Variants in ARHGAP21 observed in about 807,000 individuals in gnomAD.
ARHGAP21 encodes the protein Rho GTPase activating protein 21.
A neutral mutation model predicts 164.6 loss-of-function variants in ARHGAP21; 38 were observed. That is an observed-to-expected ratio of 0.23 (90% CI 0.18 to 0.30). ARHGAP21 has a LOEUF of 0.30. Ranked by LOEUF, ARHGAP21 falls within the 10% of genes least tolerant of loss-of-function variation. ARHGAP21 has a pLI of 1.00. For synonymous variants in ARHGAP21, 766 were observed against 857.9 expected, an observed-to-expected ratio of 0.89 and a Z score of 1.87; for missense variants, 1,822 against 2,370.7, an observed-to-expected ratio of 0.77 and a Z score of 4.81.
rs12571219 is a variant in ARHGAP21, at chr10:24,637,172, C to T, written c.269-2069G>A. On this transcript the variant is annotated intron_variant, in intron 4 of 25. Coordinates refer to ENST00000396432, the MANE Select transcript of ARHGAP21 (RefSeq NM_020824.4). Reference sequence around the variant, plus strand: ...ATTCAAGTGTGGCAATTCCATGCTGCCTCAAAAGTAACTGAATGTGATTTA... The same window carrying T: ...ATTCAAGTGTGGCAATTCCATGCTGTCTCAAAAGTAACTGAATGTGATTTA... Among the ~76,000 whole-genome samples, 231 of 152,268 alleles carry T rather than the reference C, an allele frequency of 1.5e-3. 5 individuals are homozygous for T. The East Asian group carries it at 0.038, about 25-fold the overall frequency.
chr10:24,708,958 G>T (rs775601177), intron 2 of ARHGAP21, among the ~76,000 whole-genome samples: 5 of 152,062 alleles, frequency 3.3e-5, no homozygotes, highest in Non-Finnish European at 5.9e-5. Flanking sequence ...AGATTCCTAG[G>T]TCAAATGGTA....
chr10:24,594,229 T>A (rs559851293), intron 21 of ARHGAP21, among the ~76,000 whole-genome samples: 1 of 152,168 alleles, frequency 6.6e-6, no homozygotes, highest in South Asian at 2.1e-4. Flanking sequence ...TATAATGGAT[T>A]TAGGCAATAA....
At chr10:24,663,258 C>T (rs1168334113) in intron 4 of ARHGAP21, among the ~76,000 whole-genome samples, 1 of 152,166 alleles carries the variant, frequency 6.6e-6, no homozygotes, top group Non-Finnish European at 1.5e-5. Flanking sequence ...CAACAACGCA[C>T]AATGCCAGTA....
At chr10:24,697,245 G>A (rs928167041) in intron 2 of ARHGAP21, among the ~76,000 whole-genome samples, 1 of 152,168 alleles carries the variant, frequency 6.6e-6, no homozygotes, top group Non-Finnish European at 1.5e-5. Context: ...ATTCGCTGCT[G>A]AGAAATGGGT....
At chr10:24,680,334 T>C (rs1841649850) in intron 2 of ARHGAP21, among the ~76,000 whole-genome samples, 1 of 152,212 alleles carries the variant, frequency 6.6e-6, no homozygotes, top group Non-Finnish European at 1.5e-5. Context: ...TTAAAAACTA[T>C]ACAGTATTAA....
chr10:24,629,655 C>G, intron 7 of ARHGAP21: 1 of 192,862 alleles, frequency 5.2e-6, no homozygotes, highest in African/African-American at 2.5e-5. Flanking sequence ...AAAAAAGATT[C>G]TAATTCCTGG....
At position 24,619,955 on chromosome 10, in the gene ARHGAP21, T is replaced by C. The variant is rs1834378324; in HGVS notation, c.1940A>G (p.Lys647Arg). The C allele has an allele frequency of 6.2e-6, 10 of 1,614,104 alleles. No individual in the cohort carries two copies. The highest frequency in any genetic ancestry group is 8.5e-6 in the Non-Finnish European group (10 of 1,179,970). The stretch of plus-strand genomic sequence containing the variant: ...CAAGTGATTTACTGGTCTTTGGTCT[T>C]TGATAGAAACAAATGATTTCTGGCT... ...SFSQKSFVSI[K>R]DQRPVNHLHQ... Residue 647 changes from lysine to arginine, a missense_variant, in exon 9 of 26, where the codon AAA (lysine) becomes AGA (arginine). Physicochemically the swap from Lys to Arg is conservative, Grantham distance 26. This residue lies in a region of ARHGAP21 where 1,090 missense variants were observed against 1,378.9 expected (regional missense o/e 0.79). Transcript: ENST00000396432.
Position 24,633,404 on chromosome 10 carries a change from G to A in ARHGAP21, c.438C>T (p.Asn146=). 1 of 1,603,566 alleles carries A rather than the reference G, an allele frequency of 6.2e-7. No individual in the cohort carries two copies. The highest frequency in any genetic ancestry group is 8.5e-7 in the Non-Finnish European group (1 of 1,172,430). ...TYSQVIALIQ[N]SDTTLELSVM... is the part of the protein sequence containing the mutation. ...TTTTAATGTTTTAAGACTCTTACCTGTTTTGAATTAAAGCAATTACTTGGG... is the reference window on the plus strand; with the variant it reads ...TTTTAATGTTTTAAGACTCTTACCTATTTTGAATTAAAGCAATTACTTGGG... The change falls in exon 6 of 26, where the codon AAC becomes AAT. Residue 146 remains asparagine, a splice_region_variant and synonymous_variant. Coordinates refer to ENST00000396432, the MANE Select transcript of ARHGAP21 (RefSeq NM_020824.4).
chr10:24,615,238 G>A (rs552967001), intron 9 of ARHGAP21, among the ~76,000 whole-genome samples: 5 of 152,226 alleles, frequency 3.3e-5, no homozygotes, highest in African/African-American at 1.2e-4. Flanking sequence ...AAAGATAAAA[G>A]AGCATCTAAA....
intron 4 of ARHGAP21, among the ~76,000 whole-genome samples, chr10:24,635,476 C>G (rs1031700775): frequency 5.3e-5 from 8 of 152,176 alleles, no homozygotes; most frequent in African/African-American, 1.9e-4. Context: ...CAAGGTCAAA[C>G]AGCTAACAAG....
intron 4 of ARHGAP21, among the ~76,000 whole-genome samples, chr10:24,665,558 A>C (rs1224550024): frequency 6.6e-6 from 1 of 152,248 alleles, no homozygotes; most frequent in African/African-American, 2.4e-5. Flanking sequence ...GGCAAAAATT[A>C]ACCTATACAG....
rs751632247 is a variant in ARHGAP21 at position 24,621,316 on chromosome 10, G to A, written c.579C>T (p.Ala193=). ...TTGGTGGAGGTTCAGGTATATTGCG[G>A]GCATTGCCGCTATAAGCTTCGTTGC... ...LKGNEAYSGN[A]RNIPEPPPIC... is the part of the protein sequence containing the mutation. The change falls in exon 9 of 26, where the codon GCC becomes GCT. Residue 193 remains alanine (A), a synonymous_variant. Coordinates refer to ENST00000396432, the MANE Select transcript of ARHGAP21 (RefSeq NM_020824.4). 6.8e-6 allele frequency: 11 copies of A among 1,610,870 alleles called. No individual in the cohort carries two copies. In the South Asian group the frequency reaches 9.9e-5, roughly 15 times the overall value.
chr10:24,648,894 A>C lies in ARHGAP21; in HGVS notation c.269-13791T>G, dbSNP rs1037521064. The C allele has an allele frequency of 2.0e-5, 20 of 983,326 alleles. 1 individual carries two copies. In the South Asian group the frequency reaches 5.2e-4, roughly 25 times the overall value. The allele number at this position is 983,326 out of a possible 1,614,324, so 60.9% of individuals were successfully genotyped here. Reference sequence around the variant, plus strand: ...TAATCATGTCCTAGTCAGTCAGAAGACAACCCTGGAGACCTCCTTTCCCAT... The same window carrying C: ...TAATCATGTCCTAGTCAGTCAGAAGCCAACCCTGGAGACCTCCTTTCCCAT... On this transcript the variant is annotated intron_variant, in intron 4 of 25. Coordinates refer to ENST00000396432, the MANE Select transcript of ARHGAP21 (RefSeq NM_020824.4).
rs556765739 is a variant in ARHGAP21 at position 24,585,091 on chromosome 10, A to G, written c.5198T>C (p.Val1733Ala). 5.0e-6 allele frequency: 8 copies of G among 1,613,588 alleles called. No homozygotes were observed. The East Asian group carries it at 8.9e-5, about 18-fold the overall frequency. The change falls in exon 26 of 26, where the codon GTG (valine) becomes GCG (alanine). Residue 1733 changes from valine (V) to alanine (A), a missense_variant. Around this residue, in one of 5 missense-constraint regions of ARHGAP21, gnomAD observed 117 missense variants for 193.2 expected, o/e 0.61. Transcript: ENST00000396432. ...CTTTCCTTTTTTCATAACATCAAAC[A>G]CTTTAGTTAACGAAGGTGCTTCTTT... ...NEKEAPSLTK[V>A]FDVMKKGKST... is the part of the protein sequence containing the mutation.
chr10:24,650,858 G>A (rs1161984876), intron 4 of ARHGAP21, among the ~76,000 whole-genome samples: 4 of 152,158 alleles, frequency 2.6e-5, no homozygotes, highest in Non-Finnish European at 2.9e-5. Flanking sequence ...GGTGAGTCCA[G>A]TGCTTTGCAC....
chr10:24,610,438 A>G (rs1403469086), intron 9 of ARHGAP21, among the ~76,000 whole-genome samples: 2 of 152,052 alleles, frequency 1.3e-5, no homozygotes, highest in Non-Finnish European at 2.9e-5. Flanking sequence ...TTTATAATAA[A>G]AAGAACGGTG....
At chr10:24,718,564 G>C (rs1845625197) in intron 2 of ARHGAP21, among the ~76,000 whole-genome samples, 1 of 152,172 alleles carries the variant, frequency 6.6e-6, no homozygotes, top group South Asian at 2.1e-4. Flanking sequence ...GAGGAGAAGA[G>C]AGAGCGCCTG....
In ARHGAP21 at chr10:24,620,675, G is replaced by A. The variant is rs1389667806; in HGVS notation, c.1220C>T (p.Thr407Ile). Residue 407 changes from threonine to isoleucine, a missense_variant, in exon 9 of 26, where the codon ACA (threonine) becomes ATA (isoleucine). By Grantham distance (89) the Thr-to-Ile change is moderately conservative. Coordinates refer to ENST00000396432, the MANE Select transcript of ARHGAP21 (RefSeq NM_020824.4). Reference sequence around the variant, plus strand: ...TAAACTATCTAATCTTTCTTGTATTGTCCGACAACCTATGTGCAATCGTCT... The same window carrying A: ...TAAACTATCTAATCTTTCTTGTATTATCCGACAACCTATGTGCAATCGTCT... ...DNRRLHIGCR[T>I]IQERLDSLRA... 1 of 1,614,136 alleles carries A rather than the reference G, an allele frequency of 6.2e-7. No individual in the cohort carries two copies. The highest frequency in any genetic ancestry group is 1.1e-5 in the South Asian group (1 of 91,078).
chr10:24,667,345 A>G (rs1438293489), intron 3 of ARHGAP21, among the ~76,000 whole-genome samples: 2 of 152,204 alleles, frequency 1.3e-5, no homozygotes, highest in Non-Finnish European at 2.9e-5. Flanking sequence ...TCTAATGGAG[A>G]TATCCAAGTG....
Sources: gnomAD v4.1 joint callset for allele counts (sites outside exome capture counted in the v4.1 genomes callset) on GRCh38, gnomAD v4.1.1 for gene constraint, gnomAD v4.1.1 regional missense constraint, MANE v1.5 for transcripts, NCBI Gene and HGNC (gene_info 2026-07-23, HGNC 2026-07-21) for gene names.